MEGF9: variants seen among roughly 807,000 people sequenced by gnomAD.
The protein encoded by MEGF9 is multiple epidermal growth factor-like domains protein 9.
Under a neutral mutation model 46.8 loss-of-function variants are expected in MEGF9, and 6 were observed. The ratio of observed to expected loss-of-function variants is 0.13; its 90% confidence interval spans 0.07 to 0.25. The LOEUF is 0.25. Among genes scored for constraint, MEGF9 ranks in the 10% least tolerant of loss-of-function variants. The pLI, the probability that MEGF9 is intolerant of heterozygous loss-of-function variation, is 1.00. For missense variants in MEGF9, 683 were observed against 792.4 expected (o/e 0.86, Z 1.66); for synonymous variants, 302 against 330.7 (o/e 0.91, Z 0.94).
chr9:120,653,828 T>A (rs1729930348), intron 2 of MEGF9, among the ~76,000 whole-genome samples: 1 of 152,182 alleles, frequency 6.6e-6, no homozygotes, highest in Non-Finnish European at 1.5e-5. Flanking sequence ...GAAAACTTAC[T>A]GGAAGAGAGG....
Position 120,707,559 on chromosome 9 carries a change from T to C in MEGF9, c.601+6199A>G, listed in dbSNP as rs185482388. Among the ~76,000 whole-genome samples the C allele has an allele frequency of 9.2e-5, 14 of 152,316 alleles. No individual in the cohort carries two copies. The East Asian group carries it at 2.7e-3, about 29-fold the overall frequency. ...ACACATCCAACCCAGAGGTTTTAGA[T>C]AAAAGACTGTGGGGTCTATATTAAC... On this transcript the variant is annotated intron_variant, in intron 1 of 5. Transcript: ENST00000373930.
intron 2 of MEGF9, among the ~76,000 whole-genome samples, chr9:120,634,104 T>C (rs747443462): frequency 6.6e-6 from 1 of 152,210 alleles, no homozygotes; most frequent in Non-Finnish European, 1.5e-5. Flanking sequence ...TTAGGTCCAT[T>C]TGGTCTCAAG....
intron 1 of MEGF9, among the ~76,000 whole-genome samples, chr9:120,699,664 A>G (rs1462855947): frequency 6.6e-6 from 1 of 150,662 alleles, no homozygotes; most frequent in Admixed American, 6.6e-5. Flanking sequence ...TCGAGGCTGC[A>G]GTGAGCTACA....
Position 120,675,887 on chromosome 9 carries a change from C to CAAAAA in MEGF9, c.602-16317_602-16313dup, listed in dbSNP as rs1173047863. Among the ~76,000 whole-genome samples, 228 of 57,388 alleles carry CAAAAA rather than the reference C, an allele frequency of 4.0e-3. 1 individual carries two copies. The highest frequency in any genetic ancestry group is 4.7e-3 in the Non-Finnish European group (153 of 32,870). 37.6% of individuals were successfully genotyped at this position (57,388 alleles called of 152,430 possible). The stretch of plus-strand genomic sequence containing the variant: ...TGGCCGACAGAGCGAGACTCCATCT[C>CAAAAA]AAAAAAAAAAAAAAAAAAAAAAACA... On this transcript the variant is annotated intron_variant, in intron 1 of 5. Transcript: ENST00000373930.
chr9:120,655,273 T>C (rs1199680991), intron 2 of MEGF9, among the ~76,000 whole-genome samples: 1 of 152,242 alleles, frequency 6.6e-6, no homozygotes, highest in Non-Finnish European at 1.5e-5. Context: ...TTTTATCTTT[T>C]ATACGTTTGC....
At position 120,603,695 on chromosome 9, in the gene MEGF9, C is replaced by T. The variant is rs921947009; in HGVS notation, c.*1495G>A. On this transcript the variant is annotated 3_prime_UTR_variant, in exon 6 of 6. Transcript: ENST00000373930. ...CCCAAAATGTCAATATCATAATAAA[C>T]GAGAGCAACAGTAGTTGGCCTCTAG... 5 of 152,176 alleles carry T rather than the reference C, an allele frequency of 3.3e-5. No individual in the cohort carries two copies. The highest frequency in any genetic ancestry group is 2.6e-4 in the Admixed American group (4 of 15,254). 9.4% of individuals were successfully genotyped at this position (152,176 alleles called of 1,614,324 possible).
At position 120,607,728 on chromosome 9, in the gene MEGF9, G is replaced by A. The variant is rs1287579822; in HGVS notation, c.1357+13C>T. The A allele has an allele frequency of 1.9e-6, 3 of 1,606,022 alleles. No individual in the cohort carries two copies. Among genetic ancestry groups the A allele is most frequent in the Non-Finnish European group, 2.6e-6 (3 of 1,173,130 alleles). On this transcript the variant is annotated intron_variant, in intron 5 of 5. Transcript: ENST00000373930. ...TAGATATTAAATTTACAATCACTTA[G>A]GTGAAGTTTTACCTTTCTTGATGCA...
At chr9:120,648,104 T>C (rs1249095357) in intron 2 of MEGF9, among the ~76,000 whole-genome samples, 2 of 152,136 alleles carry the variant, frequency 1.3e-5, no homozygotes, top group Admixed American at 1.3e-4. Flanking sequence ...CTCAATCTGG[T>C]TTCCTTGCCT....
At chr9:120,631,968 G>A (rs192111318) in intron 2 of MEGF9, among the ~76,000 whole-genome samples, 8 of 147,576 alleles carry the variant, frequency 5.4e-5, no homozygotes, top group East Asian at 2.1e-4. Flanking sequence ...TCACTCTGTC[G>A]CCAGGCTGGA....
Position 120,714,080 on chromosome 9 carries a change from C to T in MEGF9, c.279G>A (p.Ala93=), listed in dbSNP as rs760768438. 2 of 1,265,706 alleles carry T rather than the reference C, an allele frequency of 1.6e-6. No homozygotes were observed. Among genetic ancestry groups the T allele is most frequent in the East Asian group, 3.0e-5 (1 of 32,902 alleles). The allele number at this position is 1,265,706 out of a possible 1,614,324, so 78.4% of individuals were successfully genotyped here. A position where few individuals can be genotyped will look rare whatever the true frequency, so the allele number is the denominator to read the frequency against. The stretch of plus-strand genomic sequence containing the variant: ...TCTCCGGGGACTGGGCTGGAGAAGT[C>T]GCAGCCAGGGGTCGGTGGACGGTGG... ...PRATVHRPLA[A]TSPAQSPETT... is the part of the protein sequence containing the mutation. The change falls in exon 1 of 6, where the codon GCG becomes GCA. Residue 93 remains alanine (A), a synonymous_variant. Coordinates refer to ENST00000373930, the MANE Select transcript of MEGF9 (RefSeq NM_001080497.3).
intron 1 of MEGF9, among the ~76,000 whole-genome samples, chr9:120,674,572 C>G (rs772364161): frequency 2.0e-5 from 3 of 151,702 alleles, no homozygotes; most frequent in Non-Finnish European, 4.4e-5. Flanking sequence ...TTTCTTCTCT[C>G]TCTCTTTTTT....
rs1467035571 is a variant in MEGF9, at chr9:120,635,570, A to C, written c.804-12815T>G. ...TTTCGAATGACCTATCTTCAAGTTC[A>C]GGGATTCTTTTGCTGGATTCTTTCT... is the stretch of plus-strand genomic sequence containing the variant. On this transcript the variant is annotated intron_variant, in intron 2 of 5. Transcript: ENST00000373930. Among the ~76,000 whole-genome samples the C allele has an allele frequency of 4.0e-5, 6 of 151,044 alleles. No individual in the cohort carries two copies. In the East Asian group the frequency reaches 1.2e-3, roughly 29 times the overall value.
At chr9:120,684,359 T>G (rs2043812143) in intron 1 of MEGF9, among the ~76,000 whole-genome samples, 1 of 152,242 alleles carries the variant, frequency 6.6e-6, no homozygotes, top group Non-Finnish European at 1.5e-5. Context: ...TTTAATAGAT[T>G]TGCAGTTTTC....
rs954576704 is a variant in MEGF9, at chr9:120,604,747, GTA to G, written c.*441_*442del. On this transcript the variant is annotated 3_prime_UTR_variant, in exon 6 of 6. Transcript: ENST00000373930. ...AGCTTTTCCTCAATGATGTCCTTTT[GTA>G]TAGTAAAACGAATATAATCCCTGAC... 2 of 171,404 alleles carry G rather than the reference GTA, an allele frequency of 1.2e-5. No homozygotes were observed. The highest frequency in any genetic ancestry group is 4.8e-5 in the African/African-American group (2 of 41,698). 10.6% of individuals were successfully genotyped at this position (171,404 alleles called of 1,614,324 possible). A position where few individuals can be genotyped will look rare whatever the true frequency, so the allele number is the denominator to read the frequency against.
At chr9:120,668,814 G>C (rs1391609700) in intron 1 of MEGF9, among the ~76,000 whole-genome samples, 1 of 152,204 alleles carries the variant, frequency 6.6e-6, no homozygotes, top group Non-Finnish European at 1.5e-5. Context: ...AGGAATCTGA[G>C]TATCAGATAG....
chr9:120,660,271 C>T (rs1394406076), intron 1 of MEGF9, among the ~76,000 whole-genome samples: 9 of 152,052 alleles, frequency 5.9e-5, no homozygotes, highest in Admixed American at 5.9e-4. Flanking sequence ...TTTGTGAGTA[C>T]ATAGGTGTAT....
At chr9:120,695,050 AAGAGAG>A (rs1228133744) in intron 1 of MEGF9, among the ~76,000 whole-genome samples, 2 of 150,826 alleles carry the variant, frequency 1.3e-5, no homozygotes, top group Non-Finnish European at 3.0e-5. Context: ...AAAAAAAAAA[AAGAGAG>A]AGAGAGAGAG....
chr9:120,625,873 C>G (rs1208421870), intron 2 of MEGF9, among the ~76,000 whole-genome samples: 1 of 137,142 alleles, frequency 7.3e-6, no homozygotes, highest in African/African-American at 2.6e-5. Context: ...AAAGAAATCA[C>G]TCAGCAAATA....
chr9:120,639,508 TAAAAAAAAAA>T (rs61638928), intron 2 of MEGF9, among the ~76,000 whole-genome samples: 20 of 105,182 alleles, frequency 1.9e-4, no homozygotes, highest in African/African-American at 7.3e-4. Context: ...ACTCCGTCTT[TAAAAAAAAAA>T]AAAAAAAAAA....
Sources: gnomAD v4.1 joint callset for allele counts (sites outside exome capture counted in the v4.1 genomes callset) on GRCh38, gnomAD v4.1.1 for gene constraint, MANE v1.5 for transcripts, NCBI Gene and HGNC (gene_info 2026-07-23, HGNC 2026-07-21) for gene names.